PDE1C: variants seen among roughly 807,000 people sequenced by gnomAD.
PDE1C encodes dual specificity calcium/calmodulin-dependent 3',5'-cyclic nucleotide phosphodiesterase 1C.
In PDE1C, 62 loss-of-function variants were observed where a neutral mutation model predicts 93.1. The ratio of observed to expected loss-of-function variants is 0.67; its 90% CI spans 0.54 to 0.82. The LOEUF is 0.82. Ranked by LOEUF, PDE1C falls within the 40% of genes least tolerant of loss-of-function variation. PDE1C has a pLI of 0.00. For synonymous variants in PDE1C, 325 were observed against 310.1 expected (o/e 1.05, Z -0.50); for missense variants, 742 against 884.6 (o/e 0.84, Z 2.04).
In PDE1C at chr7:32,087,158, GA is replaced by G. The variant is rs200047685; in HGVS notation, c.308+82626del. 8.0e-3 allele frequency among the ~76,000 whole-genome samples: 1,209 copies of G among 151,366 alleles called. 8 individuals are homozygous for G. Among genetic ancestry groups the G allele is most frequent in the Admixed American group, 0.016 (244 of 15,198 alleles). ...ACAAAGAACTCAAACAAATTTACAA[GA>G]AAAAAACAACCCCATCAAAAAGTGG... On this transcript the variant is annotated intron_variant, in intron 3 of 18. Transcript: ENST00000396193.
At chr7:32,169,097 A>G (rs377070615) in intron 3 of PDE1C, among the ~76,000 whole-genome samples, 4 of 152,300 alleles carry the variant, frequency 2.6e-5, no homozygotes, top group South Asian at 4.1e-4. Flanking sequence ...CTGTAAATAT[A>G]CTGTTTCAAA....
intron 2 of PDE1C, among the ~76,000 whole-genome samples, chr7:31,891,764 C>T (rs961456150): frequency 4.6e-5 from 7 of 151,542 alleles, no homozygotes; most frequent in Non-Finnish European, 8.8e-5. Flanking sequence ...GTTGTACAAA[C>T]CTACACTTGC....
intron 2 of PDE1C, among the ~76,000 whole-genome samples, chr7:32,012,997 A>G (rs1043722168): frequency 1.3e-5 from 2 of 152,220 alleles, no homozygotes; most frequent in African/African-American, 4.8e-5. Flanking sequence ...TAATCATAAC[A>G]ACAATAAAGT....
At chr7:32,001,018 A>G (rs1371117795) in intron 2 of PDE1C, among the ~76,000 whole-genome samples, 16 of 137,700 alleles carry the variant, frequency 1.2e-4, no homozygotes, top group African/African-American at 4.0e-4. Flanking sequence ...GTGTGTGTGT[A>G]TGTATGGGGA....
chr7:32,262,513 G>A (rs544078030), intron 1 of PDE1C, among the ~76,000 whole-genome samples: 1 of 152,336 alleles, frequency 6.6e-6, no homozygotes, highest in South Asian at 2.1e-4. Context: ...GGTGACTGCA[G>A]GAGGCCCCAG....
the PDE1C span, among the ~76,000 whole-genome samples, chr7:31,628,665 C>G: frequency 6.6e-6 from 1 of 152,042 alleles, no homozygotes; most frequent in Admixed American, 6.6e-5. Context: ...ACCGTGTTAG[C>G]CAGGATGGTC....
At chr7:31,849,581 G>A (rs1214690751) in intron 8 of PDE1C, among the ~76,000 whole-genome samples, 1 of 152,176 alleles carries the variant, frequency 6.6e-6, no homozygotes, top group Non-Finnish European at 1.5e-5. Flanking sequence ...GTAATCAAGT[G>A]TTGAGTTCAT....
chr7:32,001,252 C>T (rs1785418108), intron 2 of PDE1C, among the ~76,000 whole-genome samples: 1 of 151,984 alleles, frequency 6.6e-6, no homozygotes, highest in South Asian at 2.1e-4. Context: ...CTTTTGTATG[C>T]CTTAAGTTTT....
intron 2 of PDE1C, among the ~76,000 whole-genome samples, chr7:31,909,441 CT>C (rs1450106281): frequency 1.3e-5 from 2 of 152,034 alleles, no homozygotes; most frequent in Non-Finnish European, 2.9e-5. Flanking sequence ...TCCTCTTGTG[CT>C]TTATCTCTCA....
chr7:32,010,685 G>A lies in PDE1C; in HGVS notation c.128+40869C>T, dbSNP rs565382775. On this transcript the variant is annotated intron_variant, in intron 2 of 17. Transcript: ENST00000396191. ...TGGAGGCTAGAAGTCCAAAATCAAG[G>A]TGTCAGCAAGGTTAGTTCCTTCTGA... Among the ~76,000 whole-genome samples the A allele has an allele frequency of 2.0e-4, 30 of 152,306 alleles. No homozygotes were observed. In the South Asian group the frequency reaches 5.4e-3, roughly 27 times the overall value.
intron 1 of PDE1C, among the ~76,000 whole-genome samples, chr7:32,055,983 G>A (rs1445178735): frequency 2.0e-5 from 3 of 152,148 alleles, no homozygotes; most frequent in African/African-American, 7.2e-5. Flanking sequence ...GCCTCTCAAA[G>A]TGTTGCGATT....
chr7:32,115,169 G>A (rs1241395723), intron 3 of PDE1C, among the ~76,000 whole-genome samples: 2 of 152,134 alleles, frequency 1.3e-5, no homozygotes, highest in South Asian at 2.1e-4. Flanking sequence ...GCCCACGTAT[G>A]TTTATTGCAG....
the PDE1C span, among the ~76,000 whole-genome samples, chr7:31,625,618 GT>G: frequency 6.6e-6 from 1 of 151,852 alleles, no homozygotes; most frequent in Non-Finnish European, 1.5e-5. Flanking sequence ...TCTGGGGACT[GT>G]TGTGGGGTGG....
At chr7:32,209,596 A>T in intron 1 of PDE1C, 1 of 1,401,956 alleles carries the variant, frequency 7.1e-7, no homozygotes, top group Non-Finnish European at 9.8e-7. Context: ...TCCACCAAAT[A>T]TGCCCCAATA....
At chr7:31,736,786 A>G in the PDE1C span, among the ~76,000 whole-genome samples, 2 of 152,216 alleles carry the variant, frequency 1.3e-5, no homozygotes, top group Non-Finnish European at 2.9e-5. Context: ...ATGATATTCC[A>G]AATTATGAGA....
At chr7:32,348,282 A>G (rs1315546197) in intron 1 of PDE1C, among the ~76,000 whole-genome samples, 1 of 152,064 alleles carries the variant, frequency 6.6e-6, no homozygotes, top group Non-Finnish European at 1.5e-5. Flanking sequence ...TAAGTGCTCA[A>G]TAAATGTTAG....
intron 3 of PDE1C, among the ~76,000 whole-genome samples, chr7:32,156,635 A>G (rs1050663545): frequency 3.9e-5 from 6 of 152,020 alleles, no homozygotes; most frequent in African/African-American, 9.7e-5. Flanking sequence ...AAAACACTGG[A>G]TGAAAGAAGA....
chr7:32,298,065 C>CTCTCTCTCTCTCTCT lies in PDE1C; in HGVS notation c.85+585_85+586insAGAGAGAGAGAGAGA, dbSNP rs1562660556. Among the ~76,000 whole-genome samples the CTCTCTCTCTCTCTCT allele has an allele frequency of 1.5e-3, 32 of 21,170 alleles. 13 individuals carry two copies. The highest frequency in any genetic ancestry group is 4.2e-3 in the South Asian group (2 of 478). 13.9% of individuals were successfully genotyped at this position (21,170 alleles called of 152,430 possible). A position where few individuals can be genotyped will look rare whatever the true frequency, so the allele number is the denominator to read the frequency against. On this transcript the variant is annotated intron_variant, in intron 1 of 18. Transcript: ENST00000396193. ...CTCTCTCTCTCTCTCTCTCTCTCTC[C>CTCTCTCTCTCTCTCT]CCTCTCTCTCTGAATTCCCCGGTCT...
Position 31,848,020 on chromosome 7 carries a change from G to A in PDE1C, c.928C>T (p.Gln310Ter). The change falls in exon 9 of 18, where the codon CAA becomes TAA. Residue 310 changes from glutamine (Q) to a stop codon, truncating the protein, a stop_gained. Transcript: ENST00000396191. LOFTEE classifies it high-confidence loss of function. Reference protein sequence around the residue: ...HHLSAAYRLLQDDEEMNILIN... With the variant: ...HHLSAAYRLL The stretch of plus-strand genomic sequence containing the variant: ...AAAATATTCATTTCCTCGTCATCTT[G>A]CAGAAGGCGATAAGCTGCACTTAAA... 6.2e-7 allele frequency: 1 copy of A among 1,612,596 alleles called. No homozygotes were observed. Among genetic ancestry groups the A allele is most frequent in the Non-Finnish European group, 8.5e-7 (1 of 1,179,108 alleles).
Sources: allele counts gnomAD v4.1 joint callset (sites outside exome capture counted in the v4.1 genomes callset), GRCh38; gene constraint gnomAD v4.1.1; transcripts MANE v1.5; gene names NCBI Gene and HGNC (gene_info 2026-07-23, HGNC 2026-07-21).